ANK2: variants seen among roughly 807,000 people sequenced by gnomAD.
ANK2 encodes the protein ankyrin 2.
A neutral mutation model predicts 360.5 loss-of-function variants in ANK2; 83 were observed. That is an observed-to-expected ratio of 0.23 (90% CI 0.19 to 0.28). The LOEUF (loss-of-function observed/expected upper bound fraction) is 0.28, where lower values mean the gene tolerates loss of function less well. Ranked by LOEUF, ANK2 falls within the 10% of genes least tolerant of loss-of-function variation. The pLI, the probability that ANK2 is intolerant of heterozygous loss-of-function variation, is 1.00. For missense variants in ANK2, 4,201 were observed against 4,795.7 expected, an observed-to-expected ratio of 0.88 and a Z score of 3.66; for synonymous variants, 1,740 against 1,759.5, an observed-to-expected ratio of 0.99 and a Z score of 0.28.
chr4:113,326,501 GTT>G (rs1364759220), intron 26 of ANK2, among the ~76,000 whole-genome samples: 1 of 152,068 alleles, frequency 6.6e-6, no homozygotes, highest in African/African-American at 2.4e-5. Flanking sequence ...TTTATAAACA[GTT>G]TTACTCATTT....
chr4:112,738,770 T>TAAC, the ANK2 span: 1 of 621,674 alleles, frequency 1.6e-6, no homozygotes, highest in East Asian at 4.1e-5. Flanking sequence ...AAATGAAGCG[T>TAAC]AACTGGTGGA....
intron 23 of ANK2, among the ~76,000 whole-genome samples, chr4:113,303,096 GA>G (rs1467793234): frequency 3.3e-5 from 5 of 152,246 alleles, no homozygotes; most frequent in African/African-American, 9.6e-5. Flanking sequence ...AATATGACTG[GA>G]AAAGGGGAAA....
the ANK2 span, among the ~76,000 whole-genome samples, chr4:112,791,047 A>G: frequency 6.6e-6 from 1 of 152,216 alleles, no homozygotes; most frequent in African/African-American, 2.4e-5. Context: ...TTGAAGAAAA[A>G]TTCTATTGAC....
chr4:113,383,058 T>A lies in ANK2; in HGVS notation c.*1587T>A, dbSNP rs1292353808. The A allele has an allele frequency of 6.6e-6, 1 of 152,626 alleles. No homozygotes were observed. The highest frequency in any genetic ancestry group is 1.5e-5 in the Non-Finnish European group (1 of 68,036). 9.5% of individuals were successfully genotyped at this position (152,626 alleles called of 1,614,324 possible). On this transcript the variant is annotated 3_prime_UTR_variant, in exon 46 of 46. Coordinates refer to ENST00000357077, the MANE Select transcript of ANK2 (RefSeq NM_001148.6). ...TCATATAAACAGTATACATTTTGAATCAGTCATTTGTTAAAGAAAAGTATA... is the reference window on the plus strand; with the variant it reads ...TCATATAAACAGTATACATTTTGAAACAGTCATTTGTTAAAGAAAAGTATA...
rs1409580625 is a variant in ANK2, at chr4:113,359,007, T to G, written c.10389T>G (p.Ser3463Arg). The G allele has an allele frequency of 6.2e-7, 1 of 1,614,096 alleles. No individual in the cohort carries two copies. The highest frequency in any genetic ancestry group is 1.1e-5 in the South Asian group (1 of 91,086). The change falls in exon 38 of 46, where the codon AGT (serine) becomes AGG (arginine). Residue 3463 changes from serine (S) to arginine (R), a missense_variant. By Grantham distance (110) the Ser-to-Arg change is moderately radical. This residue lies in a region of ANK2 where 2,642 missense variants were observed against 2,714.5 expected (regional missense o/e 0.97). Coordinates refer to ENST00000357077, the MANE Select transcript of ANK2 (RefSeq NM_001148.6). ...GGGGCACGAGCCCCACAAAAGAAAG[T>G]AAGGAGCATTTCTTTGACCTTTACA... is the stretch of plus-strand genomic sequence containing the variant. ...CRGGTSPTKE[S>R]KEHFFDLYRN...
intron 2 of ANK2, among the ~76,000 whole-genome samples, chr4:112,978,579 G>A (rs1031635179): frequency 6.6e-6 from 1 of 152,156 alleles, no homozygotes; most frequent in South Asian, 2.1e-4. Flanking sequence ...CATAGTATTT[G>A]TCCTTTTGTG....
In ANK2 at chr4:113,251,001, C is replaced by T. The variant is rs111758022; in HGVS notation, c.990+1139C>T. Among the ~76,000 whole-genome samples the T allele has an allele frequency of 4.0e-4, 61 of 152,210 alleles. 1 individual carries two copies. Among genetic ancestry groups the T allele is most frequent in the African/African-American group, 1.4e-3 (60 of 41,546 alleles). ...AGAAGAGAAATAATTATCCGCGTTA[C>T]TTTTATTCTCATACCTATACTGTGA... On this transcript the variant is annotated intron_variant, in intron 10 of 45. Transcript: ENST00000357077.
intron 20 of ANK2, among the ~76,000 whole-genome samples, chr4:113,289,275 G>GCACGA (rs569935051): frequency 6.7e-6 from 1 of 150,174 alleles, no homozygotes; most frequent in South Asian, 2.1e-4. Context: ...GAAAGCAATG[G>GCACGA]CACGATCAGA....
At chr4:112,988,524 C>T (rs1419516931) in intron 2 of ANK2, among the ~76,000 whole-genome samples, 5 of 152,186 alleles carry the variant, frequency 3.3e-5, no homozygotes, top group Non-Finnish European at 7.3e-5. Context: ...AGAATGTGTA[C>T]ATTCTCTAAA....
At chr4:112,994,588 G>A (rs954899013) in intron 2 of ANK2, among the ~76,000 whole-genome samples, 10 of 152,222 alleles carry the variant, frequency 6.6e-5, no homozygotes, top group African/African-American at 2.2e-4. Context: ...TAGACATCGG[G>A]CTTTTGGATT....
At chr4:113,364,626 T>C (rs2096429969) in intron 40 of ANK2, among the ~76,000 whole-genome samples, 2 of 152,252 alleles carry the variant, frequency 1.3e-5, no homozygotes, top group Non-Finnish European at 2.9e-5. Flanking sequence ...TCATTCCTTG[T>C]CTTTACATTC....
the ANK2 span, among the ~76,000 whole-genome samples, chr4:112,743,697 C>T: frequency 6.6e-6 from 1 of 151,760 alleles, no homozygotes; most frequent in Non-Finnish European, 1.5e-5. Flanking sequence ...TGTGCGCCAC[C>T]ACACCCAGCT....
chr4:112,937,096 T>G (rs1428235328), intron 2 of ANK2, among the ~76,000 whole-genome samples: 1 of 152,112 alleles, frequency 6.6e-6, no homozygotes, highest in African/African-American at 2.4e-5. Context: ...CTGGCCTACT[T>G]ATAGTTTTTA....
chr4:112,840,677 G>A (rs1244536708), intron 1 of ANK2, among the ~76,000 whole-genome samples: 1 of 152,192 alleles, frequency 6.6e-6, no homozygotes, highest in Non-Finnish European at 1.5e-5. Context: ...CATATACAAT[G>A]TCTTATATGC....
chr4:113,144,557 A>G (rs185001097), intron 1 of ANK2, among the ~76,000 whole-genome samples: 39 of 151,966 alleles, frequency 2.6e-4, no homozygotes, highest in African/African-American at 9.4e-4. Flanking sequence ...ATTGCTTCCA[A>G]TTCAATACTT....
At chr4:112,733,068 T>A in the ANK2 span, among the ~76,000 whole-genome samples, 20 of 151,940 alleles carry the variant, frequency 1.3e-4, no homozygotes, top group Non-Finnish European at 2.8e-4. Context: ...TACAAAAAAA[T>A]TAGCCAGGTG....
chr4:113,199,126 T>C lies in ANK2; in HGVS notation c.384+17T>C. On this transcript the variant is annotated intron_variant, in intron 4 of 45. Transcript: ENST00000357077. Reference sequence around the variant, plus strand: ...CAGTCTCAGGTATTCCATTCAGATTTTCCCTGATGTACATACATTTAAATT... The same window carrying C: ...CAGTCTCAGGTATTCCATTCAGATTCTCCCTGATGTACATACATTTAAATT... 1 of 1,567,010 alleles carries C rather than the reference T, an allele frequency of 6.4e-7. No individual in the cohort carries two copies. The highest frequency in any genetic ancestry group is 8.8e-7 in the Non-Finnish European group (1 of 1,137,624).
At chr4:113,152,668 A>C (rs966114460) in intron 1 of ANK2, among the ~76,000 whole-genome samples, 1 of 152,024 alleles carries the variant, frequency 6.6e-6, no homozygotes, top group African/African-American at 2.4e-5. Flanking sequence ...GCAATTTGGG[A>C]GGCTGAGGCA....
intron 1 of ANK2, among the ~76,000 whole-genome samples, chr4:113,073,612 T>C (rs558998227): frequency 1.3e-5 from 2 of 152,224 alleles, no homozygotes; most frequent in Admixed American, 1.3e-4. Context: ...TAAAACAGCA[T>C]ACGGTCTTGT....
Sources: allele counts gnomAD v4.1 joint callset (sites outside exome capture counted in the v4.1 genomes callset), GRCh38; gene constraint gnomAD v4.1.1; regional missense constraint gnomAD v4.1.1; transcripts MANE v1.5; gene names NCBI Gene and HGNC (gene_info 2026-07-23, HGNC 2026-07-21).